The following CNN1 variants were observed in gnomAD, a reference collection of about 807,000 sequenced individuals.
CNN1 encodes calponin 1.
In CNN1, 21 loss-of-function variants were observed where a neutral mutation model predicts 35.3. That is an observed-to-expected ratio of 0.60 (90% CI 0.42 to 0.86). The LOEUF (loss-of-function observed/expected upper bound fraction) is 0.86. Among genes scored for constraint, CNN1 ranks in the 40% least tolerant of loss-of-function variants. CNN1 has a pLI of 0.00. For missense variants in CNN1, 314 were observed against 400.8 expected, an observed-to-expected ratio of 0.78 and a Z score of 1.85; for synonymous variants, 164 against 161.8, an observed-to-expected ratio of 1.01 and a Z score of -0.10.
chr19:11,549,607 G>T lies in CNN1; in HGVS notation c.706G>T (p.Glu236Ter), dbSNP rs1405387240. ...RQIFEPGLGM[E>*]HCDTLNVSLQ... ...GATCTTCGAGCCGGGGCTGGGCATG[G>T]AGCACTGCGACACGCTCAATGTCAG... The change falls in exon 7 of 7, where the codon GAG becomes TAG. Residue 236 changes from glutamate to a stop codon, truncating the protein, a stop_gained. Transcript: ENST00000252456. LOFTEE classifies it high-confidence loss of function. The surrounding 1 kb of genome is among the most constrained non-coding windows in gnomAD (Gnocchi z 5.2). 2 of 1,609,516 alleles carry T rather than the reference G, an allele frequency of 1.2e-6. No individual in the cohort carries two copies. Among genetic ancestry groups the T allele is most frequent in the South Asian group, 2.2e-5 (2 of 90,790 alleles).
intron 2 of CNN1, chr19:11,542,107 C>CA (rs1972479143): frequency 6.8e-6 from 1 of 147,556 alleles, no homozygotes; most frequent in Non-Finnish European, 1.5e-5. Context: ...GGGCTGGTCT[C>CA]AAACTCCTGA....
intron 2 of CNN1, 56 bp from the exon 3 acceptor site, chr19:11,546,619 C>CT: frequency 6.3e-7 from 1 of 1,595,890 alleles, no homozygotes; most frequent in East Asian, 2.2e-5. Flanking sequence ...CAGGCGTGAG[C>CT]CACCGTGCCC....
chr19:11,545,347 G>A (rs899042967), intron 2 of CNN1, among the ~76,000 whole-genome samples: 4 of 151,758 alleles, frequency 2.6e-5, no homozygotes, highest in Admixed American at 2.0e-4. Context: ...GCAGTGGGTG[G>A]TTTTCTGGAC....
intron 1 of CNN1, 58 bp from the exon 2 acceptor site, chr19:11,541,018 C>T: frequency 2.6e-6 from 4 of 1,512,724 alleles, no homozygotes; most frequent in South Asian, 1.3e-5. Flanking sequence ...GGAGCCCAGG[C>T]TGCCCCCAAT....
intron 5 of CNN1, 134 bp downstream of exon 5, chr19:11,548,041 T>G (rs113770899): frequency 5.2e-6 from 3 of 574,224 alleles, no homozygotes; most frequent in African/African-American, 1.9e-5. Context: ...TCATCTTCCA[T>G]TCACAAACTC....
chr19:11,547,226 G>A (rs1309402228), intron 4 of CNN1, among the ~76,000 whole-genome samples: 7 of 151,878 alleles, frequency 4.6e-5, no homozygotes, highest in African/African-American at 1.5e-4. Context: ...GTGAAATCCC[G>A]TCTCTACTAA....
chr19:11,546,333 AC>A (rs1191368224), intron 2 of CNN1, among the ~76,000 whole-genome samples: 1 of 145,974 alleles, frequency 6.9e-6, no homozygotes, highest in Non-Finnish European at 1.5e-5. Flanking sequence ...AGTGGGGGAC[AC>A]CTTTCTTTCT....
chr19:11,539,766 G>A, intron 1 of CNN1: 1 of 1,140,818 alleles, frequency 8.8e-7, no homozygotes, highest in East Asian at 7.0e-5. Context: ...TGAGGAAGTG[G>A]GGGACTGGGT....
chr19:11,550,230 G>A lies in CNN1; in HGVS notation c.*435G>A, dbSNP rs1034661421. The A allele has an allele frequency of 1.1e-5, 2 of 174,218 alleles. No homozygotes were observed. Among genetic ancestry groups the A allele is most frequent in the Non-Finnish European group, 2.4e-5 (2 of 82,716 alleles). 10.8% of individuals were successfully genotyped at this position (174,218 alleles called of 1,614,324 possible). A position where few individuals can be genotyped will look rare whatever the true frequency, so the allele number is the denominator to read the frequency against. On this transcript the variant is annotated 3_prime_UTR_variant, in exon 7 of 7. Coordinates refer to ENST00000252456, the MANE Select transcript of CNN1 (RefSeq NM_001299.6). ...ACACGCGGTTTGGTTTGCAGCGACT[G>A]GCATACTATGTGGATGTGACAGTGG...
At chr19:11,539,705 T>G (rs1458201372) in intron 1 of CNN1, 1 of 743,546 alleles carries the variant, frequency 1.3e-6, no homozygotes, top group Non-Finnish European at 2.0e-6. Context: ...CTGCCCCATT[T>G]GACAGAGGGG....
intron 2 of CNN1, among the ~76,000 whole-genome samples, chr19:11,545,090 ACTT>A (rs1308620887): frequency 6.6e-6 from 1 of 151,872 alleles, no homozygotes; most frequent in Non-Finnish European, 1.5e-5. Context: ...AATCCCAACT[ACTT>A]AGGAGGCTGA....
chr19:11,542,752 T>C (rs1477533588), intron 2 of CNN1, among the ~76,000 whole-genome samples: 1 of 152,002 alleles, frequency 6.6e-6, no homozygotes, highest in Non-Finnish European at 1.5e-5. Context: ...ATTTTTGTAT[T>C]TTTAGTAGAG....
chr19:11,548,143 G>A (rs919238276), intron 5 of CNN1, among the ~76,000 whole-genome samples: 9 of 152,118 alleles, frequency 5.9e-5, no homozygotes, highest in Admixed American at 1.3e-4. Flanking sequence ...AAGCTGGCTC[G>A]CTTTTGCACA....
chr19:11,539,548 G>C (rs1972411522), intron 1 of CNN1: 2 of 1,098,964 alleles, frequency 1.8e-6, no homozygotes, highest in African/African-American at 1.7e-5. Context: ...GAGGCAAATA[G>C]CTGGGGTCCC....
At chr19:11,545,046 C>T (rs1008338769) in intron 2 of CNN1, among the ~76,000 whole-genome samples, 21 of 151,826 alleles carry the variant, frequency 1.4e-4, no homozygotes, top group African/African-American at 5.1e-4. Flanking sequence ...TAAAAATACA[C>T]AAAATTTAGC....
intron 1 of CNN1, chr19:11,539,792 G>A (rs1568412591): frequency 8.5e-7 from 1 of 1,174,662 alleles, no homozygotes; most frequent in Non-Finnish European, 1.1e-6. Context: ...CCTGGGTCGA[G>A]GGATCTCGGG....
At chr19:11,543,652 A>G (rs1054564325) in intron 2 of CNN1, among the ~76,000 whole-genome samples, 4 of 151,458 alleles carry the variant, frequency 2.6e-5, no homozygotes, top group Admixed American at 1.3e-4. Context: ...GCGTGGTGGC[A>G]GGCGCTTGTA....
At chr19:11,539,727 T>C in intron 1 of CNN1, 1 of 851,450 alleles carries the variant, frequency 1.2e-6, no homozygotes, top group East Asian at 6.7e-5. Flanking sequence ...ACACTGAGGC[T>C]CAGGGTGGCT....
chr19:11,539,273 G>A, intron 1 of CNN1: 1 of 1,199,696 alleles, frequency 8.3e-7, no homozygotes, highest in Non-Finnish European at 1.0e-6. Context: ...AACCCTTCGT[G>A]TTCTTGGGGG....
Sources: allele counts gnomAD v4.1 joint callset (sites outside exome capture counted in the v4.1 genomes callset), GRCh38; gene constraint gnomAD v4.1.1; non-coding constraint Gnocchi (gnomAD v3.1); transcripts MANE v1.5; gene names NCBI Gene and HGNC (gene_info 2026-07-23, HGNC 2026-07-21).